KIF21B: variants seen among roughly 807,000 people sequenced by gnomAD.
KIF21B encodes the protein kinesin family member 21B.
A neutral mutation model predicts 192.9 loss-of-function variants in KIF21B; 85 were observed. That is an observed-to-expected ratio of 0.44 (90% CI 0.37 to 0.53). The LOEUF (loss-of-function observed/expected upper bound fraction) is 0.53. KIF21B is among the 20% of genes least tolerant of loss of function. The pLI is 0.00. For synonymous variants in KIF21B, 832 were observed against 884.6 expected (o/e 0.94, Z 1.05); for missense variants, 1,716 against 2,194.8 (o/e 0.78, Z 4.36).
chr1:201,001,896 T>G, intron 9 of KIF21B: 1 of 491,690 alleles, frequency 2.0e-6, no homozygotes, highest in Non-Finnish European at 3.7e-6. Context: ...AGAGAGGGCT[T>G]GGGGTGGAGG....
At position 200,987,097 on chromosome 1, in the gene KIF21B, G is replaced by C; in HGVS notation, c.3513C>G (p.Leu1171=). ...CCACTCCGTCCTCTTTGATCTCAAC[G>C]AGGGAGGCCAGGGACTTGGTGATGT... The part of the protein sequence containing the change: ...TKNITKSLAS[L]VEIKEDGVGF... Residue 1171 remains leucine (L), a synonymous_variant, in exon 25 of 35, where the codon CTC becomes CTG. Transcript: ENST00000461742. 3 of 1,613,998 alleles carry C rather than the reference G, an allele frequency of 1.9e-6. No homozygotes were observed. The highest frequency in any genetic ancestry group is 2.5e-6 in the Non-Finnish European group (3 of 1,180,016).
Position 200,972,439 on chromosome 1 carries a change from C to T in KIF21B, c.*1082G>A, listed in dbSNP as rs1655265435. The T allele has an allele frequency of 6.6e-6, 1 of 152,178 alleles. No homozygotes were observed. Among genetic ancestry groups the T allele is most frequent in the Non-Finnish European group, 1.5e-5 (1 of 68,038 alleles). The allele number at this position is 152,178 out of a possible 1,614,324, so 9.4% of individuals were successfully genotyped here. On this transcript the variant is annotated 3_prime_UTR_variant, in exon 35 of 35. Transcript: ENST00000461742. Reference sequence around the variant, plus strand: ...GCCCCCATGCTGCTTCCTACGTGGCCCACGCAGGACTGTGGGGCAGAACCC... The same window carrying T: ...GCCCCCATGCTGCTTCCTACGTGGCTCACGCAGGACTGTGGGGCAGAACCC...
At position 200,969,464 on chromosome 1, in the gene KIF21B, T is replaced by C. The variant is rs1443550030; in HGVS notation, c.*4057A>G. ...AATCTAGGAACAGAAATGTACAACATGGGGCTTAAATAACTTTCATACACT... is the reference window on the plus strand; with the variant it reads ...AATCTAGGAACAGAAATGTACAACACGGGGCTTAAATAACTTTCATACACT... On this transcript the variant is annotated 3_prime_UTR_variant, in exon 35 of 35. Coordinates refer to ENST00000461742, the MANE Select transcript of KIF21B (RefSeq NM_001252102.2). 1 of 152,856 alleles carries C rather than the reference T, an allele frequency of 6.5e-6. No homozygotes were observed. Among genetic ancestry groups the C allele is most frequent in the Non-Finnish European group, 1.5e-5 (1 of 68,072 alleles). The allele number at this position is 152,856 out of a possible 1,614,324, so 9.5% of individuals were successfully genotyped here. A position where few individuals can be genotyped will look rare whatever the true frequency, so the allele number is the denominator to read the frequency against.
Position 200,975,809 on chromosome 1 carries a change from C to T in KIF21B, c.4444-140G>A. 3 of 815,762 alleles carry T rather than the reference C, an allele frequency of 3.7e-6. No individual in the cohort carries two copies. Among genetic ancestry groups the T allele is most frequent in the Non-Finnish European group, 5.5e-6 (3 of 541,706 alleles). 50.5% of individuals were successfully genotyped at this position (815,762 alleles called of 1,614,324 possible). ...CTGCCCTCTGGGGAGAGGAGCTTCC[C>T]AGCAGGCGAGGGTTCCTGGAGGTGG... On this transcript the variant is annotated intron_variant, in intron 32 of 34. Transcript: ENST00000461742. The surrounding 1 kb of genome is among the most constrained non-coding windows in gnomAD (Gnocchi z 4.3).
rs1655117643 is a variant in KIF21B at position 200,969,506 on chromosome 1, A to C, written c.*4015T>G. ...TCATACACTATGTACAGCCATCGGC[A>C]GAGGTACAAAACATATATACACCTT... On this transcript the variant is annotated 3_prime_UTR_variant, in exon 35 of 35. Transcript: ENST00000461742. 1 of 152,858 alleles carries C rather than the reference A, an allele frequency of 6.5e-6. No individual in the cohort carries two copies. Among genetic ancestry groups the C allele is most frequent in the African/African-American group, 2.4e-5 (1 of 41,480 alleles). The allele number at this position is 152,858 out of a possible 1,614,324, so 9.5% of individuals were successfully genotyped here. A position where few individuals can be genotyped will look rare whatever the true frequency, so the allele number is the denominator to read the frequency against.
At position 200,990,494 on chromosome 1, in the gene KIF21B, G is replaced by T. The variant is rs1306250337; in HGVS notation, c.2835+82C>A. 10 of 1,543,216 alleles carry T rather than the reference G, an allele frequency of 6.5e-6. No homozygotes were observed. Among genetic ancestry groups the T allele is most frequent in the Non-Finnish European group, 7.1e-6 (8 of 1,130,836 alleles). On this transcript the variant is annotated intron_variant, in intron 19 of 34. Transcript: ENST00000461742. This position sits in a 1 kb window ranked among gnomAD's most constrained non-coding sequence, Gnocchi z 5.4. ...AGCAGAGGGAAGTGGGGCAGGGAAA[G>T]GTCTGAAGAGCCAGAGAAGTTGGAG...
chr1:201,004,628 AG>A, intron 6 of KIF21B, 137 bp downstream of exon 6: 1 of 1,212,894 alleles, frequency 8.2e-7, no homozygotes. Context: ...AGCTGGGGAC[AG>A]GGGTGACGCC....
At chr1:201,005,865 G>A (rs1278456273) in intron 3 of KIF21B, among the ~76,000 whole-genome samples, 171 bp from the exon 4 acceptor site, 2 of 152,342 alleles carry the variant, frequency 1.3e-5, no homozygotes, top group Middle Eastern at 3.4e-3. Flanking sequence ...GAGACAGCTG[G>A]GCCCTGGGCA....
Position 200,992,350 on chromosome 1 carries a change from G to T in KIF21B, c.2317C>A (p.Arg773=). Residue 773 remains arginine (R), a synonymous_variant, in exon 16 of 35, where the codon CGG becomes AGG. Transcript: ENST00000461742. ...TTCCTCTTGGTCTCCACTAGCCGCC[G>T]CCGCTGTTGCTCCTCACGCATCTGC... ...MKQMREEQQR[R]RLVETKRNRE... 1 of 1,613,214 alleles carries T rather than the reference G, an allele frequency of 6.2e-7. No homozygotes were observed. Among genetic ancestry groups the T allele is most frequent in the Non-Finnish European group, 8.5e-7 (1 of 1,180,038 alleles).
intron 8 of KIF21B, chr1:201,002,927 G>T (rs1311326140): frequency 6.4e-6 from 1 of 155,900 alleles, no homozygotes; most frequent in Non-Finnish European, 1.4e-5. Context: ...CCATGTGCCA[G>T]ATTTGGGCCA....
In KIF21B at chr1:201,000,815, A is replaced by G. The variant is rs1657449436; in HGVS notation, c.1403-35T>C. The stretch of plus-strand genomic sequence containing the variant: ...GACGGCGGGAAGAAGGGTGCGATAA[A>G]GAAGATAAATAGGCCAGCGCGGTGG... On this transcript the variant is annotated intron_variant, in intron 9 of 34. Coordinates refer to ENST00000461742, the MANE Select transcript of KIF21B (RefSeq NM_001252102.2). This position sits in a 1 kb window ranked among gnomAD's most constrained non-coding sequence, Gnocchi z 6.0. 1 of 1,612,364 alleles carries G rather than the reference A, an allele frequency of 6.2e-7. No homozygotes were observed. Among genetic ancestry groups the G allele is most frequent in the South Asian group, 1.1e-5 (1 of 91,064 alleles).
In KIF21B at chr1:201,016,319, C is replaced by T. The variant is rs535980365; in HGVS notation, c.42-6831G>A. On this transcript the variant is annotated intron_variant, in intron 1 of 34. Coordinates refer to ENST00000461742, the MANE Select transcript of KIF21B (RefSeq NM_001252102.2). ...TGCCACAAGCTGTCTGCTGGGAAAGCGTTTTCCCTGTCTCATGCTTAAGAA... is the reference window on the plus strand; with the variant it reads ...TGCCACAAGCTGTCTGCTGGGAAAGTGTTTTCCCTGTCTCATGCTTAAGAA... 3.9e-5 allele frequency among the ~76,000 whole-genome samples: 6 copies of T among 152,352 alleles called. No individual in the cohort carries two copies. The South Asian group carries it at 1.2e-3, about 32-fold the overall frequency.
At chr1:201,006,558 T>C (rs985182316) in intron 3 of KIF21B, among the ~76,000 whole-genome samples, 12 of 151,540 alleles carry the variant, frequency 7.9e-5, no homozygotes, top group African/African-American at 2.9e-4. Context: ...GAAGAGGAGA[T>C]GGAAAGGATG....
intron 1 of KIF21B, among the ~76,000 whole-genome samples, chr1:201,019,862 T>C (rs1658721299): frequency 6.6e-6 from 1 of 152,168 alleles, no homozygotes; most frequent in African/African-American, 2.4e-5. Flanking sequence ...CAGTTTCTTC[T>C]GTCTTCTTCA....
chr1:201,006,153 G>A (rs1180001179), intron 3 of KIF21B, among the ~76,000 whole-genome samples: 1 of 152,254 alleles, frequency 6.6e-6, no homozygotes, highest in Admixed American at 6.5e-5. Flanking sequence ...CTGAGGTGAC[G>A]ACAAGCTCTC....
At chr1:201,008,523 G>A (rs890828795) in intron 3 of KIF21B, among the ~76,000 whole-genome samples, 4 of 152,172 alleles carry the variant, frequency 2.6e-5, no homozygotes, top group South Asian at 2.1e-4. Context: ...GCTAGAACAC[G>A]TCAGGGTGTG....
chr1:200,986,889 G>GTGTC lies in KIF21B; in HGVS notation c.3643_3644insGACA (p.Ser1215Ter). 2 of 1,613,966 alleles carry GTGTC rather than the reference G, an allele frequency of 1.2e-6. No homozygotes were observed. Among genetic ancestry groups the GTGTC allele is most frequent in the Non-Finnish European group, 1.7e-6 (2 of 1,179,902 alleles). On this transcript the variant is annotated stop_gained and frameshift_variant, in exon 26 of 35. Coordinates refer to ENST00000461742, the MANE Select transcript of KIF21B (RefSeq NM_001252102.2). LOFTEE classifies it high-confidence loss of function. ...GTAGGACTTCCTTCTCGTCAGCGGG[G>GTGTC]ACGTCTCTGTGGCTCGAGATTGCCT...
intron 1 of KIF21B, among the ~76,000 whole-genome samples, chr1:201,010,923 G>A (rs1658199066): frequency 6.6e-6 from 1 of 152,242 alleles, no homozygotes; most frequent in Non-Finnish European, 1.5e-5. Flanking sequence ...AGCGGGGAGG[G>A]GTTGGGGGTG....
At chr1:200,980,572 G>C (rs1347133502) in intron 29 of KIF21B, among the ~76,000 whole-genome samples, 1 of 152,264 alleles carries the variant, frequency 6.6e-6, no homozygotes, top group Non-Finnish European at 1.5e-5. Flanking sequence ...TAAAATGTTT[G>C]ACTTTGTTGC....
Sources: gnomAD v4.1 joint callset for allele counts (sites outside exome capture counted in the v4.1 genomes callset) on GRCh38, gnomAD v4.1.1 for gene constraint, Gnocchi (gnomAD v3.1) non-coding constraint, MANE v1.5 for transcripts, NCBI Gene and HGNC (gene_info 2026-07-23, HGNC 2026-07-21) for gene names.